The following ATXN1 variants were observed in gnomAD, a reference collection of about 807,000 sequenced individuals.
ATXN1 encodes ataxin 1.
A neutral mutation model predicts 56.4 loss-of-function variants in ATXN1; 8 were observed. The ratio of observed to expected loss-of-function variants is 0.14; its 90% CI spans 0.08 to 0.26. The LOEUF (loss-of-function observed/expected upper bound fraction) is 0.26, where lower values mean the gene tolerates loss of function less well. Among genes scored for constraint, ATXN1 ranks in the 10% least tolerant of loss-of-function variants. The pLI is 1.00. For missense variants in ATXN1, 987 were observed against 1,106.5 expected (o/e 0.89, Z 1.53); for synonymous variants, 514 against 494.6 (o/e 1.04, Z -0.52).
At chr6:16,622,186 T>C (rs1322596171) in intron 3 of ATXN1, among the ~76,000 whole-genome samples, 3 of 152,082 alleles carry the variant, frequency 2.0e-5, no homozygotes, top group Non-Finnish European at 4.4e-5. Flanking sequence ...GACAAACAAG[T>C]ATGTGTAAGT....
At chr6:16,456,450 C>A (rs1266509202) in intron 6 of ATXN1, among the ~76,000 whole-genome samples, 3 of 152,202 alleles carry the variant, frequency 2.0e-5, no homozygotes, top group Non-Finnish European at 4.4e-5. Context: ...CAACCCCCGA[C>A]TGTTTGGAGT....
At chr6:16,464,447 G>A (rs1760061085) in intron 6 of ATXN1, among the ~76,000 whole-genome samples, 1 of 152,088 alleles carries the variant, frequency 6.6e-6, no homozygotes, top group South Asian at 2.1e-4. Context: ...ACCCACTTGG[G>A]TCCCCTTCCA....
intron 5 of ATXN1, among the ~76,000 whole-genome samples, chr6:16,486,556 T>C (rs1760548973): frequency 6.6e-6 from 1 of 152,184 alleles, no homozygotes; most frequent in Non-Finnish European, 1.5e-5. Context: ...GTCATAAGCC[T>C]GTTCCTGAGC....
At chr6:16,700,374 T>C (rs1759256270) in intron 2 of ATXN1, among the ~76,000 whole-genome samples, 2 of 152,176 alleles carry the variant, frequency 1.3e-5, no homozygotes, top group Admixed American at 1.3e-4. Flanking sequence ...ATGTTTCTGC[T>C]GGTGCATATC....
intron 2 of ATXN1, among the ~76,000 whole-genome samples, chr6:16,683,744 A>G (rs1431966411): frequency 5.3e-5 from 8 of 152,212 alleles, no homozygotes; most frequent in Admixed American, 4.6e-4. Context: ...CGGAGGGTTA[A>G]CCAGAGAGTT....
intron 6 of ATXN1, among the ~76,000 whole-genome samples, chr6:16,350,766 C>G (rs1192113251): frequency 1.3e-5 from 2 of 152,130 alleles, no homozygotes; most frequent in Non-Finnish European, 2.9e-5. Context: ...ATCACCGAAC[C>G]CAAGCCTTGG....
chr6:16,538,429 C>CT (rs562251535), intron 4 of ATXN1, among the ~76,000 whole-genome samples: 8 of 151,762 alleles, frequency 5.3e-5, no homozygotes, highest in Admixed American at 2.6e-4. Flanking sequence ...TTTTTTTAAT[C>CT]TTTTTTTTGT....
intron 6 of ATXN1, among the ~76,000 whole-genome samples, chr6:16,347,713 T>A (rs1252645036): frequency 2.0e-5 from 3 of 152,152 alleles, no homozygotes; most frequent in Non-Finnish European, 4.4e-5. Flanking sequence ...AGCTCAGGGA[T>A]TGTAAATGCA....
chr6:16,438,643 A>T (rs1002814341), intron 6 of ATXN1, among the ~76,000 whole-genome samples: 2 of 152,250 alleles, frequency 1.3e-5, no homozygotes, highest in East Asian at 3.8e-4. Context: ...GTATAATCAG[A>T]TAACTGGTCC....
intron 1 of ATXN1, among the ~76,000 whole-genome samples, chr6:16,756,310 ACTT>A (rs1278419577): frequency 7.2e-5 from 11 of 152,126 alleles, no homozygotes; most frequent in Non-Finnish European, 1.6e-4. Context: ...ACTGTATATC[ACTT>A]CTTAAAAAAA....
chr6:16,607,979 A>G (rs749985779), intron 3 of ATXN1, among the ~76,000 whole-genome samples: 2 of 152,182 alleles, frequency 1.3e-5, no homozygotes, highest in Non-Finnish European at 2.9e-5. Flanking sequence ...CTTGTTAGTA[A>G]ATGAAACATT....
intron 6 of ATXN1, among the ~76,000 whole-genome samples, chr6:16,412,723 C>G (rs1758824300): frequency 6.6e-6 from 1 of 152,194 alleles, no homozygotes; most frequent in South Asian, 2.1e-4. Flanking sequence ...CAATTCAACA[C>G]CATTAAAATA....
At position 16,478,169 on chromosome 6, in the gene ATXN1, C is replaced by T. The variant is rs141290441; in HGVS notation, c.-161+7803G>A. Among the ~76,000 whole-genome samples the T allele has an allele frequency of 5.9e-5, 9 of 152,220 alleles. No individual in the cohort carries two copies. In the East Asian group the frequency reaches 7.7e-4, roughly 13 times the overall value. ...TAATCTGTCCCCTATAGCAAGTGAC[C>T]GAGTAACACTACCCAGTGGGCAGCT... On this transcript the variant is annotated intron_variant, in intron 6 of 7. Transcript: ENST00000436367.
At chr6:16,312,590 C>T (rs1760417615) in intron 7 of ATXN1, among the ~76,000 whole-genome samples, 2 of 152,152 alleles carry the variant, frequency 1.3e-5, no homozygotes, top group African/African-American at 4.8e-5. Flanking sequence ...GTGGCTCACG[C>T]CTGTAATCCC....
chr6:16,593,141 T>C (rs567285071), intron 3 of ATXN1, among the ~76,000 whole-genome samples: 2 of 152,276 alleles, frequency 1.3e-5, no homozygotes, highest in Non-Finnish European at 2.9e-5. Flanking sequence ...TGCTGCATTT[T>C]ATAATACCCT....
At chr6:16,483,192 C>A (rs1020657936) in intron 6 of ATXN1, among the ~76,000 whole-genome samples, 3 of 152,068 alleles carry the variant, frequency 2.0e-5, no homozygotes, top group Non-Finnish European at 4.4e-5. Flanking sequence ...CATCTGCTGG[C>A]AAGTGGTGGC....
intron 6 of ATXN1, among the ~76,000 whole-genome samples, chr6:16,450,980 C>G (rs1021087569): frequency 8.5e-5 from 13 of 152,176 alleles, no homozygotes; most frequent in African/African-American, 2.9e-4. Context: ...GTAGACCCCC[C>G]CAAGGGCCAA....
intron 6 of ATXN1, among the ~76,000 whole-genome samples, chr6:16,342,173 G>A (rs1761265764): frequency 6.6e-6 from 1 of 152,016 alleles, no homozygotes; most frequent in Admixed American, 6.5e-5. Context: ...GTGAGCCACT[G>A]AGCCCGGCCT....
chr6:16,560,498 C>A (rs1762096812), intron 4 of ATXN1, among the ~76,000 whole-genome samples: 1 of 152,082 alleles, frequency 6.6e-6, no homozygotes, highest in South Asian at 2.1e-4. Context: ...ATCAGACATT[C>A]CTTTAATATG....
Sources: gnomAD v4.1 joint callset for allele counts (sites outside exome capture counted in the v4.1 genomes callset) on GRCh38, gnomAD v4.1.1 for gene constraint, MANE v1.5 for transcripts, NCBI Gene and HGNC (gene_info 2026-07-23, HGNC 2026-07-21) for gene names.